ANKIB1: variants seen among roughly 807,000 people sequenced by gnomAD.
ANKIB1 encodes ankyrin repeat and IBR domain-containing protein 1.
A neutral mutation model predicts 122.1 loss-of-function variants in ANKIB1; 43 were observed. That is an observed-to-expected ratio of 0.35 (90% confidence interval 0.28 to 0.45). The LOEUF (loss-of-function observed/expected upper bound fraction) is 0.45. Among genes scored for constraint, ANKIB1 ranks in the 20% least tolerant of loss-of-function variants. ANKIB1 has a pLI of 1.00. For missense variants in ANKIB1, 992 were observed against 1,329.5 expected, an observed-to-expected ratio of 0.75 and a Z score of 3.95; for synonymous variants, 390 against 442.0, an observed-to-expected ratio of 0.88 and a Z score of 1.48.
chr7:92,293,404 G>A (rs762062146), intron 1 of ANKIB1, among the ~76,000 whole-genome samples: 3 of 152,122 alleles, frequency 2.0e-5, no homozygotes, highest in Non-Finnish European at 4.4e-5. Context: ...TGCCCAAACT[G>A]GTTTCAAACT....
At chr7:92,329,487 T>C (rs537019768) in intron 5 of ANKIB1, among the ~76,000 whole-genome samples, 2 of 152,334 alleles carry the variant, frequency 1.3e-5, no homozygotes, top group South Asian at 4.1e-4. Flanking sequence ...TGAGAAACAT[T>C]GCTGTGCATA....
chr7:92,269,963 G>A (rs1241836912), intron 1 of ANKIB1, among the ~76,000 whole-genome samples: 5 of 72,066 alleles, frequency 6.9e-5, no homozygotes, highest in Admixed American at 1.7e-4. Context: ...ACCCCCCACC[G>A]ACCCCCTGAC....
At chr7:92,371,122 C>A (rs766808953) in intron 10 of ANKIB1, among the ~76,000 whole-genome samples, 23 of 149,300 alleles carry the variant, frequency 1.5e-4, no homozygotes, top group Non-Finnish European at 1.6e-4. Context: ...AGTAATTGTT[C>A]TTTCTGTAAT....
At position 92,398,685 on chromosome 7, in the gene ANKIB1, C is replaced by T; in HGVS notation, c.3006C>T (p.Pro1002=). 5 of 1,613,912 alleles carry T rather than the reference C, an allele frequency of 3.1e-6. No individual in the cohort carries two copies. Among genetic ancestry groups the T allele is most frequent in the Non-Finnish European group, 4.2e-6 (5 of 1,179,842 alleles). Residue 1002 remains proline (P), a synonymous_variant, in exon 20 of 20, where the codon CCC becomes CCT. Coordinates refer to ENST00000265742, the MANE Select transcript of ANKIB1 (RefSeq NM_019004.2). ...TTEISADSQL[P]CIKDGSEGVK... The stretch of plus-strand genomic sequence containing the variant: ...AAATCAGTGCAGATTCCCAGCTCCC[C>T]TGTATCAAAGATGGGTCAGAAGGTG...
In ANKIB1 at chr7:92,401,193, C is replaced by G. The variant is rs887428746; in HGVS notation, c.*2244C>G. On this transcript the variant is annotated 3_prime_UTR_variant, in exon 20 of 20. Coordinates refer to ENST00000265742, the MANE Select transcript of ANKIB1 (RefSeq NM_019004.2). ...AGTTTGGCAAAGCCTATTTTGTAAACAAGTTAATTTTATAATGTAAAAAAA... is the reference window on the plus strand; with the variant it reads ...AGTTTGGCAAAGCCTATTTTGTAAAGAAGTTAATTTTATAATGTAAAAAAA... 3.3e-5 allele frequency: 5 copies of G among 151,906 alleles called. No individual in the cohort carries two copies. The highest frequency in any genetic ancestry group is 1.2e-4 in the African/African-American group (5 of 41,352). The allele number at this position is 151,906 out of a possible 1,614,324, so 9.4% of individuals were successfully genotyped here. A position where few individuals can be genotyped will look rare whatever the true frequency, so the allele number is the denominator to read the frequency against.
At chr7:92,355,264 T>C (rs1202217243) in intron 9 of ANKIB1, among the ~76,000 whole-genome samples, 1 of 122,240 alleles carries the variant, frequency 8.2e-6, no homozygotes, top group Non-Finnish European at 1.8e-5. Flanking sequence ...TCTTTTTTTT[T>C]CTTTTTAATT....
chr7:92,352,629 C>T lies in ANKIB1; in HGVS notation c.1384C>T (p.His462Tyr). The T allele has an allele frequency of 6.2e-7, 1 of 1,610,050 alleles. No homozygotes were observed. The highest frequency in any genetic ancestry group is 8.5e-7 in the Non-Finnish European group (1 of 1,179,080). The change falls in exon 9 of 20, where the codon CAC becomes TAC. Residue 462 changes from histidine to tyrosine, a missense_variant. Physicochemically the swap from His to Tyr is moderately conservative, Grantham distance 83 (BLOSUM62 2). Transcript: ENST00000265742. The stretch of plus-strand genomic sequence containing the variant: ...TCCTGCTGTTGATTGTGGAAAAGGA[C>T]ACCTCTTCTGCTGGTTAGTATAAGA... ...RAPAVDCGKG[H>Y]LFCWECLGEA...
At chr7:92,322,204 TA>T (rs1212748308) in intron 4 of ANKIB1, among the ~76,000 whole-genome samples, 1 of 152,204 alleles carries the variant, frequency 6.6e-6, no homozygotes, top group Non-Finnish European at 1.5e-5. Context: ...TTGATGTAAT[TA>T]AACTGCAAGA....
rs528800997 is a variant in ANKIB1, at chr7:92,398,331, C to G, written c.2652C>G (p.Ser884=). ...ETRDFLSNEA[S]LGAIGTSLPS... ...GAGACTTCCTCAGTAATGAAGCATC[C>G]TTAGGTGCGATAGGCACTTCTTTAC... Residue 884 remains serine, a synonymous_variant, in exon 20 of 20, where the codon TCC becomes TCG. Coordinates refer to ENST00000265742, the MANE Select transcript of ANKIB1 (RefSeq NM_019004.2). 3 of 1,613,590 alleles carry G rather than the reference C, an allele frequency of 1.9e-6. No homozygotes were observed. Among genetic ancestry groups the G allele is most frequent in the Non-Finnish European group, 2.5e-6 (3 of 1,179,750 alleles).
chr7:92,397,881 A>G (rs761140684), intron 19 of ANKIB1, 22 bp downstream of exon 19: 4 of 1,595,042 alleles, frequency 2.5e-6, no homozygotes, highest in South Asian at 1.1e-5. Context: ...GAACAGCCTC[A>G]TTGCCTGTGC....
chr7:92,346,221 C>T (rs757167177), intron 7 of ANKIB1, among the ~76,000 whole-genome samples: 8 of 151,124 alleles, frequency 5.3e-5, no homozygotes, highest in Non-Finnish European at 1.0e-4. Flanking sequence ...TCTTCCTTCC[C>T]GGGTTCAAGC....
intron 7 of ANKIB1, chr7:92,347,871 G>T: frequency 3.7e-6 from 1 of 268,482 alleles, no homozygotes; most frequent in Non-Finnish European, 7.3e-6. Context: ...ATTTCTTAAC[G>T]TATGTAAAGT....
In ANKIB1 at chr7:92,387,851, T is replaced by C. The variant is rs891024847; in HGVS notation, c.1806T>C (p.Tyr602=). Residue 602 remains tyrosine (Y), a synonymous_variant, in exon 13 of 20, where the codon TAT becomes TAC. Transcript: ENST00000265742. ...FQELDRFMHY[Y]TRFKNHEHSY... ...AACTTGACAGATTTATGCACTATTA[T>C]ACAAGATTTAAAAACCATGAGCATA... 6 of 1,612,890 alleles carry C rather than the reference T, an allele frequency of 3.7e-6. No individual in the cohort carries two copies. The African/African-American group carries it at 5.3e-5, about 14-fold the overall frequency.
rs1335765681 is a variant in ANKIB1 at position 92,309,942 on chromosome 7, A to AAAAAAAAAATAT, written c.486+2287_486+2288insAAAAAAAATATA. 2.4e-4 allele frequency among the ~76,000 whole-genome samples: 22 copies of AAAAAAAAAATAT among 91,816 alleles called. 1 individual carries two copies. The highest frequency in any genetic ancestry group is 9.2e-4 in the African/African-American group (19 of 20,644). 60.2% of individuals were successfully genotyped at this position (91,816 alleles called of 152,430 possible). A position where few individuals can be genotyped will look rare whatever the true frequency, so the allele number is the denominator to read the frequency against. ...TCCATCTAAAAAAAAAAAAAAAAAA[A>AAAAAAAAAATAT]ATATATATATATATATATATAAATT... On this transcript the variant is annotated intron_variant, in intron 3 of 19. Transcript: ENST00000265742.
At chr7:92,267,210 A>G (rs770747591) in intron 1 of ANKIB1, among the ~76,000 whole-genome samples, 3 of 152,222 alleles carry the variant, frequency 2.0e-5, no homozygotes, top group Non-Finnish European at 4.4e-5. Context: ...TGTTTCATTT[A>G]TATTTTTTAG....
chr7:92,337,083 A>G (rs933967886), intron 5 of ANKIB1, among the ~76,000 whole-genome samples: 2 of 152,210 alleles, frequency 1.3e-5, no homozygotes, highest in African/African-American at 2.4e-5. Flanking sequence ...TACATTGGCT[A>G]GCACTCCTAT....
rs569611694 is a variant in ANKIB1 at position 92,397,834 on chromosome 7, G to A, written c.2507G>A (p.Arg836His). The A allele has an allele frequency of 1.4e-5, 23 of 1,607,010 alleles. No individual in the cohort carries two copies. Among genetic ancestry groups the A allele is most frequent in the African/African-American group, 2.7e-5 (2 of 74,414 alleles). Residue 836 changes from arginine (R) to histidine (H), a missense_variant, in exon 19 of 20, where the codon CGC becomes CAC. Transcript: ENST00000265742. ...SSLRDYTPAS[R>H]SENQDSLQAL... ...CTGCGTGACTACACCCCTGCCAGTCGCTCTGAAAACCAGGACTCTCTTCAG... is the reference window on the plus strand; with the variant it reads ...CTGCGTGACTACACCCCTGCCAGTCACTCTGAAAACCAGGACTCTCTTCAG...
chr7:92,250,839 C>G (rs1801315661), intron 1 of ANKIB1, among the ~76,000 whole-genome samples: 1 of 152,206 alleles, frequency 6.6e-6, no homozygotes, highest in Non-Finnish European at 1.5e-5. Flanking sequence ...TCACTGTCAA[C>G]TCTTTTCTCC....
At chr7:92,312,885 A>G (rs929273863) in intron 3 of ANKIB1, among the ~76,000 whole-genome samples, 3 of 152,110 alleles carry the variant, frequency 2.0e-5, no homozygotes, top group African/African-American at 4.8e-5. Flanking sequence ...AGTTACTGAG[A>G]GTTTTTGTTT....
Sources: allele counts gnomAD v4.1 joint callset (sites outside exome capture counted in the v4.1 genomes callset), GRCh38; gene constraint gnomAD v4.1.1; transcripts MANE v1.5; gene names NCBI Gene and HGNC (gene_info 2026-07-23, HGNC 2026-07-21).